Variants in CCNT2 observed in about 807,000 individuals in gnomAD.
The protein encoded by CCNT2 is cyclin T2, also known as cyclin-T2.
In CCNT2, 18 loss-of-function variants were observed where a neutral mutation model predicts 70.0. That is an observed-to-expected ratio of 0.26 (90% CI 0.18 to 0.38). The LOEUF (loss-of-function observed/expected upper bound fraction) is 0.38. Among genes scored for constraint, CCNT2 ranks in the 10% least tolerant of loss-of-function variants. CCNT2 has a pLI of 1.00. For missense variants in CCNT2, 734 were observed against 890.2 expected, an observed-to-expected ratio of 0.82 and a Z score of 2.23; for synonymous variants, 334 against 313.3, an observed-to-expected ratio of 1.07 and a Z score of -0.70.
Position 134,958,177 on chromosome 2 carries a change from A to G in CCNT2, c.*3529A>G, listed in dbSNP as rs944222315. ...GATATTTCAGGGTTTTGCATTTTCTATAGACATGGGGACTTTTTTAACATG... is the reference window on the plus strand; with the variant it reads ...GATATTTCAGGGTTTTGCATTTTCTGTAGACATGGGGACTTTTTTAACATG... On this transcript the variant is annotated 3_prime_UTR_variant, in exon 9 of 9. Transcript: ENST00000264157. The G allele has an allele frequency of 1.3e-5, 2 of 152,236 alleles. No individual in the cohort carries two copies. Among genetic ancestry groups the G allele is most frequent in the African/African-American group, 4.8e-5 (2 of 41,474 alleles). The allele number at this position is 152,236 out of a possible 1,614,324, so 9.4% of individuals were successfully genotyped here. A position where few individuals can be genotyped will look rare whatever the true frequency, so the allele number is the denominator to read the frequency against.
intron 2 of CCNT2, among the ~76,000 whole-genome samples, chr2:134,921,721 A>G (rs910472978): frequency 2.6e-5 from 4 of 152,192 alleles, no homozygotes; most frequent in African/African-American, 7.2e-5. Context: ...GTGCTTTACA[A>G]CAAATACCCT....
chr2:134,919,584 C>T (rs1394329066), intron 1 of CCNT2, among the ~76,000 whole-genome samples: 1 of 152,096 alleles, frequency 6.6e-6, no homozygotes, highest in Non-Finnish European at 1.5e-5. Flanking sequence ...GGGCCCTCAG[C>T]GCTGTTAGAG....
chr2:134,919,901 AGTT>A lies in CCNT2; in HGVS notation c.240+13_240+15del. 2 of 1,588,976 alleles carry A rather than the reference AGTT, an allele frequency of 1.3e-6. No homozygotes were observed. Among genetic ancestry groups the A allele is most frequent in the Non-Finnish European group, 1.7e-6 (2 of 1,160,546 alleles). The stretch of plus-strand genomic sequence containing the variant: ...CAAATTCAACAAAAATGTAAGTACT[AGTT>A]GTCTGTTTTTACTGTCCGCAAATTT... On this transcript the variant is annotated intron_variant, in intron 2 of 8. Transcript: ENST00000264157.
intron 2 of CCNT2, among the ~76,000 whole-genome samples, chr2:134,926,752 T>C (rs540696433): frequency 1.8e-3 from 267 of 152,326 alleles, no homozygotes; most frequent in African/African-American, 5.5e-3. Flanking sequence ...CTCATTCGTA[T>C]GTGTTAGGAA....
chr2:134,932,872 C>T (rs1680882658), intron 2 of CCNT2, among the ~76,000 whole-genome samples: 1 of 152,224 alleles, frequency 6.6e-6, no homozygotes, highest in African/African-American at 2.4e-5. Context: ...TTTCTATAAG[C>T]CTGTAGTAAG....
At position 134,953,944 on chromosome 2, in the gene CCNT2, GACAAAA is replaced by G; in HGVS notation, c.1491_1496del (p.Asp497_Lys499delinsGlu). On this transcript the variant is annotated inframe_deletion, in exon 9 of 9. Coordinates refer to ENST00000264157, the MANE Select transcript of CCNT2 (RefSeq NM_058241.3). ...CGCAAATACTGAAAAATACATGGCA[GACAAAA>G]AGGAAAAGAGTGGGTCACTGAAATT... is the stretch of plus-strand genomic sequence containing the variant. 1.2e-6 allele frequency: 2 copies of G among 1,613,838 alleles called. No individual in the cohort carries two copies. The highest frequency in any genetic ancestry group is 2.2e-5 in the South Asian group (2 of 91,068).
chr2:134,925,580 G>T (rs1680233535), intron 2 of CCNT2, among the ~76,000 whole-genome samples: 1 of 152,036 alleles, frequency 6.6e-6, no homozygotes, highest in African/African-American at 2.4e-5. Flanking sequence ...CATCTATGTT[G>T]TTGTATTTAT....
At chr2:134,950,922 G>C (rs565206260) in intron 7 of CCNT2, among the ~76,000 whole-genome samples, 68 of 152,242 alleles carry the variant, frequency 4.5e-4, no homozygotes, top group African/African-American at 1.6e-3. Flanking sequence ...TACATTTTGT[G>C]TACGAGATTT....
chr2:134,944,069 T>C (rs1257106289), intron 5 of CCNT2: 1 of 984,944 alleles, frequency 1.0e-6, no homozygotes, highest in East Asian at 1.1e-4. Context: ...AAATCTAATT[T>C]GTATTTTTTT....
At chr2:134,951,923 A>G (rs1382492352) in intron 7 of CCNT2, among the ~76,000 whole-genome samples, 1 of 152,206 alleles carries the variant, frequency 6.6e-6, no homozygotes, top group Middle Eastern at 3.2e-3. Flanking sequence ...AGTCTGTGAC[A>G]GTTCTCCAAT....
chr2:134,929,871 G>A (rs1003080023), intron 2 of CCNT2, among the ~76,000 whole-genome samples: 3 of 151,370 alleles, frequency 2.0e-5, no homozygotes, highest in African/African-American at 2.4e-5. Context: ...GCCTGGTCTC[G>A]AACTCCTGAC....
intron 2 of CCNT2, among the ~76,000 whole-genome samples, chr2:134,931,661 G>A (rs1326621524): frequency 1.3e-5 from 2 of 152,150 alleles, no homozygotes; most frequent in African/African-American, 4.8e-5. Flanking sequence ...TGCCATCTTC[G>A]TGATAATCTG....
Position 134,953,443 on chromosome 2 carries a change from A to G in CCNT2, c.988A>G (p.Asn330Asp). ...TGTTCAAGACAGCCATACATCTGAT[A>G]ATTTGTCAATGCTAGCAACAGGAAT... ...ISVQDSHTSD[N>D]LSMLATGMPS... is the part of the protein sequence containing the mutation. The change falls in exon 9 of 9, where the codon AAT becomes GAT. Residue 330 changes from asparagine to aspartate, a missense_variant. Physicochemically the swap from Asn to Asp is conservative, Grantham distance 23 (BLOSUM62 1). Coordinates refer to ENST00000264157, the MANE Select transcript of CCNT2 (RefSeq NM_058241.3). 6.2e-7 allele frequency: 1 copy of G among 1,613,274 alleles called. No individual in the cohort carries two copies. The highest frequency in any genetic ancestry group is 1.3e-5 in the African/African-American group (1 of 74,964).
At chr2:134,952,758 C>A in intron 8 of CCNT2, 47 bp downstream of exon 8, 1 of 1,284,576 alleles carries the variant, frequency 7.8e-7, no homozygotes. Flanking sequence ...TTTTATGTAA[C>A]ATTTACATAG....
chr2:134,924,630 A>T (rs1276782540), intron 2 of CCNT2, among the ~76,000 whole-genome samples: 2 of 152,034 alleles, frequency 1.3e-5, no homozygotes, highest in South Asian at 4.1e-4. Flanking sequence ...TTGTATTTTT[A>T]GTAGAGACGG....
chr2:134,945,337 A>C lies in CCNT2; in HGVS notation c.494-764A>C, dbSNP rs972297278. The stretch of plus-strand genomic sequence containing the variant: ...TGTGGATGTAATTGGGAAAAAGGGA[A>C]ACTATAACAAGAGCATCCCTGTTGG... On this transcript the variant is annotated intron_variant, in intron 5 of 8. Transcript: ENST00000264157. 3 of 985,274 alleles carry C rather than the reference A, an allele frequency of 3.0e-6. No homozygotes were observed. In the African/African-American group the frequency reaches 5.2e-5, roughly 17 times the overall value. 61.0% of individuals were successfully genotyped at this position (985,274 alleles called of 1,614,324 possible).
At chr2:134,926,825 A>C (rs573738559) in intron 2 of CCNT2, among the ~76,000 whole-genome samples, 1 of 152,166 alleles carries the variant, frequency 6.6e-6, no homozygotes, top group Non-Finnish European at 1.5e-5. Flanking sequence ...TGGTTTTGCT[A>C]TCTTGTTGCT....
chr2:134,950,586 G>A (rs1682418721), intron 7 of CCNT2, among the ~76,000 whole-genome samples: 1 of 152,142 alleles, frequency 6.6e-6, no homozygotes, highest in Admixed American at 6.5e-5. Flanking sequence ...GTAGTGAGCT[G>A]TGATAATGCT....
intron 2 of CCNT2, among the ~76,000 whole-genome samples, chr2:134,930,573 G>C (rs749069537): frequency 6.6e-6 from 1 of 152,138 alleles, no homozygotes; most frequent in East Asian, 1.9e-4. Context: ...AATCTTTTTG[G>C]ATAGCTTTTA....
Sources: allele counts gnomAD v4.1 joint callset (sites outside exome capture counted in the v4.1 genomes callset), GRCh38; gene constraint gnomAD v4.1.1; transcripts MANE v1.5; gene names NCBI Gene and HGNC (gene_info 2026-07-23, HGNC 2026-07-21).